The following EXT1 variants were observed in gnomAD, a reference collection of about 807,000 sequenced individuals.
EXT1 encodes the protein exostosin-1.
In EXT1, 20 loss-of-function variants were observed where a neutral mutation model predicts 82.5. The ratio of observed to expected loss-of-function variants is 0.24; its 90% CI spans 0.17 to 0.35. EXT1 has a LOEUF of 0.35. Ranked by LOEUF, EXT1 falls within the 10% of genes least tolerant of loss-of-function variation. The pLI is 1.00. For synonymous variants in EXT1, 348 were observed against 350.8 expected (o/e 0.99, Z 0.09); for missense variants, 757 against 936.5 (o/e 0.81, Z 2.50).
At chr8:117,923,913 C>A (rs73322086) in intron 1 of EXT1, among the ~76,000 whole-genome samples, 3,437 of 152,138 alleles carry the variant, frequency 0.023, 131 homozygotes, top group African/African-American at 0.076. Context: ...TGTTATGGGT[C>A]TAGTAAGAGT....
At chr8:118,097,402 G>A (rs1156738409) in intron 1 of EXT1, among the ~76,000 whole-genome samples, 3 of 152,034 alleles carry the variant, frequency 2.0e-5, no homozygotes, top group East Asian at 3.8e-4. Context: ...AGCCCAGATC[G>A]CCCCACTGCA....
At chr8:118,058,454 T>C (rs1471283617) in intron 1 of EXT1, among the ~76,000 whole-genome samples, 1 of 152,164 alleles carries the variant, frequency 6.6e-6, no homozygotes, top group Non-Finnish European at 1.5e-5. Context: ...ACGAGTTAAG[T>C]ATCAGGATTT....
chr8:118,088,954 T>C (rs2468150), intron 1 of EXT1, among the ~76,000 whole-genome samples: 78,665 of 152,066 alleles, frequency 0.52, 22,878 homozygotes, highest in Middle Eastern at 0.69. Flanking sequence ...ACACCCCACC[T>C]TCCGCTACTG....
chr8:118,069,017 C>T (rs887182429), intron 1 of EXT1, among the ~76,000 whole-genome samples: 1 of 152,146 alleles, frequency 6.6e-6, no homozygotes, highest in African/African-American at 2.4e-5. Flanking sequence ...GGAGTACCTA[C>T]ACCCCCTTCT....
At chr8:117,993,749 C>T (rs912687813) in intron 1 of EXT1, among the ~76,000 whole-genome samples, 9 of 152,182 alleles carry the variant, frequency 5.9e-5, no homozygotes, top group African/African-American at 1.7e-4. Flanking sequence ...TGTAATTAAC[C>T]AGGCCTTCCC....
chr8:117,939,076 G>A (rs1246878615), intron 1 of EXT1, among the ~76,000 whole-genome samples: 1 of 150,972 alleles, frequency 6.6e-6, no homozygotes. Context: ...AGCCTCCCTT[G>A]CCTGTAAAAA....
At chr8:117,982,163 C>T (rs1395054885) in intron 1 of EXT1, among the ~76,000 whole-genome samples, 1 of 152,186 alleles carries the variant, frequency 6.6e-6, no homozygotes, top group Non-Finnish European at 1.5e-5. Flanking sequence ...CACAAGGTGT[C>T]AGTCGGCCAC....
chr8:118,005,167 G>A (rs1370661891), intron 1 of EXT1, among the ~76,000 whole-genome samples: 1 of 152,078 alleles, frequency 6.6e-6, no homozygotes, highest in Non-Finnish European at 1.5e-5. Context: ...CAAGTTAAAG[G>A]GCCCAGCCTC....
At chr8:118,044,398 G>T (rs1816585738) in intron 1 of EXT1, among the ~76,000 whole-genome samples, 1 of 151,368 alleles carries the variant, frequency 6.6e-6, no homozygotes, top group African/African-American at 2.4e-5. Flanking sequence ...AAATGTTTTT[G>T]GTCTTCTTTA....
At chr8:117,966,479 A>G (rs745935985) in intron 1 of EXT1, among the ~76,000 whole-genome samples, 12 of 152,212 alleles carry the variant, frequency 7.9e-5, no homozygotes, top group Non-Finnish European at 1.8e-4. Flanking sequence ...GGGAGGTCGG[A>G]AAGGTTAAGT....
intron 1 of EXT1, among the ~76,000 whole-genome samples, chr8:117,930,216 G>T (rs1814030897): frequency 6.6e-6 from 1 of 152,044 alleles, no homozygotes; most frequent in Admixed American, 6.6e-5. Context: ...CCCAACCAGT[G>T]GGACCAGTCA....
chr8:118,029,277 A>G (rs967000440), intron 1 of EXT1, among the ~76,000 whole-genome samples: 3 of 152,086 alleles, frequency 2.0e-5, no homozygotes, highest in Non-Finnish European at 2.9e-5. Flanking sequence ...AAAAATAAAA[A>G]TAGCCAGACA....
At chr8:117,942,019 G>A (rs1037747148) in intron 1 of EXT1, among the ~76,000 whole-genome samples, 2 of 152,184 alleles carry the variant, frequency 1.3e-5, no homozygotes, top group Non-Finnish European at 2.9e-5. Flanking sequence ...TGTTCAAGGA[G>A]TTATAGGTCT....
At chr8:117,818,753 T>TAAAC (rs911236989) in intron 6 of EXT1, among the ~76,000 whole-genome samples, 9 of 150,694 alleles carry the variant, frequency 6.0e-5, no homozygotes, top group South Asian at 2.1e-4. Context: ...AGCAAACAAA[T>TAAAC]AAACAAACAA....
chr8:118,041,162 A>G (rs1028442292), intron 1 of EXT1, among the ~76,000 whole-genome samples: 1 of 152,224 alleles, frequency 6.6e-6, no homozygotes, highest in African/African-American at 2.4e-5. Context: ...TTTAAAAAGG[A>G]GTCCTCAAGT....
intron 1 of EXT1, among the ~76,000 whole-genome samples, chr8:118,097,490 C>G (rs1326059182): frequency 6.6e-6 from 1 of 152,054 alleles, no homozygotes; most frequent in Non-Finnish European, 1.5e-5. Context: ...AAATCTGGAA[C>G]TTCATCCCTA....
intron 1 of EXT1, among the ~76,000 whole-genome samples, chr8:118,087,997 T>C (rs905939396): frequency 6.7e-6 from 1 of 150,214 alleles, no homozygotes; most frequent in African/African-American, 2.4e-5. Flanking sequence ...CTGCTTTTAA[T>C]TAAACACAAT....
At chr8:117,803,823 A>G (rs17503061) in intron 10 of EXT1, among the ~76,000 whole-genome samples, 388 of 152,328 alleles carry the variant, frequency 2.5e-3, no homozygotes, top group African/African-American at 8.8e-3. Flanking sequence ...GCTTTCAAAC[A>G]TATTATTTCA....
rs530501887 is a variant in EXT1 at position 117,853,335 on chromosome 8, A to G, written c.963-16134T>C. On this transcript the variant is annotated intron_variant, in intron 1 of 10. Transcript: ENST00000378204. ...TGAGGAGGGCAGATCATTTGAGGTC[A>G]GGAGTTCAAGACTGGCCTGGCCAAC... 2.6e-5 allele frequency among the ~76,000 whole-genome samples: 4 copies of G among 152,200 alleles called. No homozygotes were observed. The East Asian group carries it at 7.7e-4, about 29-fold the overall frequency.
Sources: allele counts gnomAD v4.1 joint callset (sites outside exome capture counted in the v4.1 genomes callset), GRCh38; gene constraint gnomAD v4.1.1; transcripts MANE v1.5; gene names NCBI Gene and HGNC (gene_info 2026-07-23, HGNC 2026-07-21).